MSTO1: variants seen among roughly 807,000 people sequenced by gnomAD.
MSTO1 encodes the protein misato mitochondrial distribution and morphology regulator 1, also known as protein misato homolog 1.
MSTO1 carries 24 observed loss-of-function variants against 55.7 expected under a neutral mutation model. That is an observed-to-expected ratio of 0.43 (90% CI 0.31 to 0.61). The LOEUF (loss-of-function observed/expected upper bound fraction) is 0.61. Among genes scored for constraint, MSTO1 ranks in the 20% least tolerant of loss-of-function variants. The probability of loss-of-function intolerance (pLI) is 0.09; values close to 1 mark genes in which losing one functional copy is unlikely to be tolerated. For missense variants in MSTO1, 363 were observed against 625.7 expected (o/e 0.58, Z 4.48); for synonymous variants, 162 against 252.8 (o/e 0.64, Z 3.41).
chr1:155,614,333 C>G lies in MSTO1; in HGVS notation c.*60C>G. The G allele has an allele frequency of 3.5e-6, 2 of 572,264 alleles. No homozygotes were observed. The highest frequency in any genetic ancestry group is 6.2e-5 in the Admixed American group (2 of 32,108). 35.4% of individuals were successfully genotyped at this position (572,264 alleles called of 1,614,324 possible). A position where few individuals can be genotyped will look rare whatever the true frequency, so the allele number is the denominator to read the frequency against. ...ATAAAAACAGCTGGATGCAGGAGCC[C>G]AGTGTCTTCATGCAGAGGAGCTCAA... On this transcript the variant is annotated 3_prime_UTR_variant, in exon 14 of 14. Transcript: ENST00000245564.
At position 155,613,161 on chromosome 1, in the gene MSTO1, G is replaced by T; in HGVS notation, c.1211G>T (p.Gly404Val). Residue 404 changes from glycine (G) to valine (V), a missense_variant, in exon 11 of 14, where the codon GGG becomes GTG. This residue lies in a region of MSTO1 where 231 missense variants were observed against 286.9 expected (regional missense o/e 0.81). Transcript: ENST00000245564. ...CCATGGACCCCACTGTCTGCATGTGGGGAGCCTTCTGGAACACGTTGCTTT... is the reference window on the plus strand; with the variant it reads ...CCATGGACCCCACTGTCTGCATGTGTGGAGCCTTCTGGAACACGTTGCTTT... The part of the protein sequence containing the change: ...ATPWTPLSAC[G>V]EPSGTRCFAQ... The T allele has an allele frequency of 6.2e-7, 1 of 1,614,108 alleles. No individual in the cohort carries two copies. Among genetic ancestry groups the T allele is most frequent in the Non-Finnish European group, 8.5e-7 (1 of 1,180,024 alleles).
chr1:155,600,205 GCTTCCGCAGTGTTTTGTGTCTCTGGGTA>G, the MSTO1 span, among the ~76,000 whole-genome samples: 1 of 152,230 alleles, frequency 6.6e-6, no homozygotes, highest in Admixed American at 6.5e-5. Context: ...GTCCCTGCGG[GCTTCCGCAGTGTTTTGTGTCTCTGGGTA>G]CTTGAGATTA....
At chr1:155,596,977 C>T in the MSTO1 span, among the ~76,000 whole-genome samples, 7 of 152,022 alleles carry the variant, frequency 4.6e-5, no homozygotes, top group Non-Finnish European at 8.8e-5. Flanking sequence ...TGTGGTGGTG[C>T]ACACCTGTGG....
At chr1:155,577,225 A>G in the MSTO1 span, among the ~76,000 whole-genome samples, 1 of 151,178 alleles carries the variant, frequency 6.6e-6, no homozygotes, top group Admixed American at 6.6e-5. Context: ...AGTAGCTGGG[A>G]CTACAGGCGC....
At chr1:155,603,902 T>C in the MSTO1 span, among the ~76,000 whole-genome samples, 2 of 152,134 alleles carry the variant, frequency 1.3e-5, no homozygotes, top group Non-Finnish European at 2.9e-5. Context: ...ACTTTTTTTT[T>C]GGTAGAAGTT....
At chr1:155,612,762 G>A in intron 9 of MSTO1, 82 bp from the exon 10 acceptor site, 5 of 1,559,352 alleles carry the variant, frequency 3.2e-6, no homozygotes, top group African/African-American at 1.4e-5. Context: ...CGTCCCCTGG[G>A]TCTCTCTGGT....
the MSTO1 span, among the ~76,000 whole-genome samples, chr1:155,571,570 T>G: frequency 1.4e-4 from 22 of 152,068 alleles, no homozygotes; most frequent in Non-Finnish European, 2.6e-4. Context: ...AACAAAAACC[T>G]TAGAGCTTGG....
chr1:155,580,207 A>T, the MSTO1 span, among the ~76,000 whole-genome samples: 1 of 151,420 alleles, frequency 6.6e-6, no homozygotes, highest in South Asian at 2.1e-4. Context: ...CCTTGGTAAC[A>T]TAATGAGACC....
At chr1:155,601,837 C>T in the MSTO1 span, among the ~76,000 whole-genome samples, 2 of 152,082 alleles carry the variant, frequency 1.3e-5, no homozygotes, top group Non-Finnish European at 2.9e-5. Context: ...TCACTGCAAG[C>T]TCCGCCTCCC....
At chr1:155,590,982 G>A in the MSTO1 span, 1 of 1,613,986 alleles carries the variant, frequency 6.2e-7, no homozygotes, top group Non-Finnish European at 8.5e-7. Context: ...AGACCAGCAA[G>A]CCGAACAGGG....
In MSTO1 at chr1:155,610,284, G is replaced by A. The variant is rs753882584; in HGVS notation, c.36G>A (p.Gln12=). The A allele has an allele frequency of 2.3e-5, 23 of 998,454 alleles. No homozygotes were observed. The highest frequency in any genetic ancestry group is 3.2e-5 in the Non-Finnish European group (22 of 681,660). 61.8% of individuals were successfully genotyped at this position (998,454 alleles called of 1,614,324 possible). The change falls in exon 1 of 14, where the codon CAG becomes CAA. Residue 12 remains glutamine, a synonymous_variant. Coordinates refer to ENST00000245564, the MANE Select transcript of MSTO1 (RefSeq NM_018116.4). Reference sequence around the variant, plus strand: ...GGGCCCGGGAGGTGCTCACACTGCAGTTGGGACATTTTGCCGGTTTCGTGG... The same window carrying A: ...GGGCCCGGGAGGTGCTCACACTGCAATTGGGACATTTTGCCGGTTTCGTGG... ...AGGAREVLTL[Q]LGHFAGFVGA...
chr1:155,563,275 G>T, the MSTO1 span: 32 of 456,240 alleles, frequency 7.0e-5, no homozygotes, highest in African/African-American at 6.2e-4. Flanking sequence ...TGTGGAGCTG[G>T]TCGCAGGCGG....
chr1:155,608,770 G>A (rs1182011613), upstream of MSTO1, among the ~76,000 whole-genome samples: 1 of 151,658 alleles, frequency 6.6e-6, no homozygotes, highest in Non-Finnish European at 1.5e-5. Context: ...CCAAAGTGCT[G>A]GGATTACAGG....
At position 155,614,576 on chromosome 1, in the gene MSTO1, C is replaced by T. The variant is rs1008046327; in HGVS notation, c.*303C>T. 37 of 626,124 alleles carry T rather than the reference C, an allele frequency of 5.9e-5. No individual in the cohort carries two copies. In the Admixed American group the frequency reaches 1.0e-3, roughly 17 times the overall value. The allele number at this position is 626,124 out of a possible 1,614,324, so 38.8% of individuals were successfully genotyped here. On this transcript the variant is annotated 3_prime_UTR_variant, in exon 14 of 14. Coordinates refer to ENST00000245564, the MANE Select transcript of MSTO1 (RefSeq NM_018116.4). Reference sequence around the variant, plus strand: ...CAGAGCCCCTGGGTCCTACTCCATCCTCCAGCCTTTGTCCTTGTCCTGGCC... The same window carrying T: ...CAGAGCCCCTGGGTCCTACTCCATCTTCCAGCCTTTGTCCTTGTCCTGGCC...
chr1:155,575,801 TTTATTTATTTA>T, the MSTO1 span, among the ~76,000 whole-genome samples: 5 of 132,558 alleles, frequency 3.8e-5, no homozygotes, highest in East Asian at 7.4e-4. Context: ...TTTATTTTTA[TTTATTTATTTA>T]TTTATTTATT....
the MSTO1 span, chr1:155,598,962 T>G: frequency 8.8e-7 from 1 of 1,133,692 alleles, no homozygotes; most frequent in African/African-American, 1.6e-5. Context: ...TCAGTTATCT[T>G]GTTACCGTGG....
chr1:155,578,624 C>T, the MSTO1 span, among the ~76,000 whole-genome samples: 1 of 150,444 alleles, frequency 6.6e-6, no homozygotes, highest in African/African-American at 2.4e-5. Context: ...CATTCTCCTG[C>T]CTCAGCCTCC....
the MSTO1 span, among the ~76,000 whole-genome samples, chr1:155,580,955 A>G: frequency 6.6e-6 from 1 of 151,552 alleles, no homozygotes; most frequent in Non-Finnish European, 1.5e-5. Flanking sequence ...ATACTCTAAC[A>G]CTACCTAAAC....
chr1:155,571,055 A>G, the MSTO1 span, among the ~76,000 whole-genome samples: 2 of 152,198 alleles, frequency 1.3e-5, no homozygotes, highest in Admixed American at 6.6e-5. Context: ...GCCGGACACA[A>G]TGCTCACATG....
Sources: allele counts gnomAD v4.1 joint callset (sites outside exome capture counted in the v4.1 genomes callset), GRCh38; gene constraint gnomAD v4.1.1; regional missense constraint gnomAD v4.1.1; transcripts MANE v1.5; gene names NCBI Gene and HGNC (gene_info 2026-07-23, HGNC 2026-07-21).